The following EYS variants were observed in gnomAD, a reference collection of about 807,000 sequenced individuals.
The protein encoded by EYS is EGF-like photoreceptor maintenance factor, also known as protein eyes shut homolog.
Under a neutral mutation model 282.1 loss-of-function variants are expected in EYS, and 250 were observed. The ratio of observed to expected loss-of-function variants is 0.89; its 90% CI spans 0.80 to 0.98. EYS has a LOEUF of 0.98. Among genes scored for constraint, EYS ranks in the 50% least tolerant of loss-of-function variants. EYS has a pLI of 0.00. For missense variants in EYS, 4,016 were observed against 3,709.0 expected, an observed-to-expected ratio of 1.08 and a Z score of -2.15; for synonymous variants, 1,355 against 1,282.9, an observed-to-expected ratio of 1.06 and a Z score of -1.20.
chr6:65,516,408 G>A (rs141747264), intron 2 of EYS, among the ~76,000 whole-genome samples: 127 of 152,124 alleles, frequency 8.3e-4, no homozygotes, highest in South Asian at 1.7e-3. Flanking sequence ...CCCTACAAAT[G>A]TGAGTTTAAT....
chr6:65,655,507 T>A (rs2149821942), intron 1 of EYS, among the ~76,000 whole-genome samples: 1 of 151,936 alleles, frequency 6.6e-6, no homozygotes, highest in Middle Eastern at 3.4e-3. Flanking sequence ...CTTTACCTCT[T>A]TATTTTCCTT....
intron 5 of EYS, among the ~76,000 whole-genome samples, chr6:65,464,777 C>G (rs80055056): frequency 0.019 from 2,927 of 152,206 alleles, 69 homozygotes; most frequent in African/African-American, 0.057. Flanking sequence ...GAATCCACCA[C>G]AGTAGACTAG....
chr6:65,300,329 C>G (rs950870931), intron 11 of EYS, among the ~76,000 whole-genome samples: 11 of 152,144 alleles, frequency 7.2e-5, no homozygotes, highest in African/African-American at 2.7e-4. Context: ...TCATCTTTTC[C>G]TTACTTGACT....
At chr6:65,567,465 A>T (rs1270296806) in intron 2 of EYS, among the ~76,000 whole-genome samples, 2 of 151,716 alleles carry the variant, frequency 1.3e-5, no homozygotes, top group Non-Finnish European at 2.9e-5. Flanking sequence ...TTCTATCTAA[A>T]CTCTGTAGTC....
At chr6:65,173,885 A>G (rs1479783306) in intron 12 of EYS, among the ~76,000 whole-genome samples, 2 of 151,306 alleles carry the variant, frequency 1.3e-5, no homozygotes, top group African/African-American at 4.8e-5. Context: ...AATATGCTAC[A>G]ATTACATTGA....
chr6:64,525,268 C>T (rs1777880298), intron 26 of EYS, among the ~76,000 whole-genome samples: 1 of 151,724 alleles, frequency 6.6e-6, no homozygotes, highest in African/African-American at 2.4e-5. Flanking sequence ...GACATGAAAT[C>T]AACCTAAATG....
At chr6:64,728,008 A>G (rs1771818045) in intron 22 of EYS, among the ~76,000 whole-genome samples, 1 of 152,158 alleles carries the variant, frequency 6.6e-6, no homozygotes, top group African/African-American at 2.4e-5. Flanking sequence ...ACTGGAATGC[A>G]TGGGCACTGG....
At chr6:64,891,538 A>T (rs1767292996) in intron 18 of EYS, among the ~76,000 whole-genome samples, 1 of 152,014 alleles carries the variant, frequency 6.6e-6, no homozygotes, top group Non-Finnish European at 1.5e-5. Context: ...GTCTGAAAAG[A>T]TCCTCATCAA....
At chr6:64,668,482 G>T (rs547930516) in intron 22 of EYS, among the ~76,000 whole-genome samples, 1 of 148,500 alleles carries the variant, frequency 6.7e-6, no homozygotes, top group Non-Finnish European at 1.5e-5. Context: ...TCCTTTTTTA[G>T]TGTCTTATTT....
chr6:65,606,413 G>A (rs953273667), intron 2 of EYS, among the ~76,000 whole-genome samples: 9 of 151,562 alleles, frequency 5.9e-5, no homozygotes, highest in Admixed American at 2.6e-4. Flanking sequence ...TACCATTTTC[G>A]TAAAATGAAA....
At chr6:64,007,605 C>G (rs953405811) in intron 33 of EYS, among the ~76,000 whole-genome samples, 1 of 152,058 alleles carries the variant, frequency 6.6e-6, no homozygotes, top group Non-Finnish European at 1.5e-5. Context: ...TGAGATCTAA[C>G]TTTTTGATAT....
chr6:64,157,010 C>T (rs1483563229), intron 31 of EYS, among the ~76,000 whole-genome samples: 6 of 151,632 alleles, frequency 4.0e-5, no homozygotes, highest in African/African-American at 1.5e-4. Context: ...CGTCATCTAG[C>T]ATTAGGTATA....
chr6:65,695,573 G>A (rs7450869), intron 1 of EYS, among the ~76,000 whole-genome samples: 33,439 of 151,694 alleles, frequency 0.22, 4,424 homozygotes, highest in African/African-American at 0.38. Flanking sequence ...AAAGAGAGAG[G>A]AAGTTGGGTC....
At chr6:64,973,594 T>C (rs1770373053) in intron 14 of EYS, among the ~76,000 whole-genome samples, 1 of 151,988 alleles carries the variant, frequency 6.6e-6, no homozygotes, top group Admixed American at 6.6e-5. Context: ...ATTGGGAAAC[T>C]TTATTATTTT....
chr6:64,501,088 T>C (rs567722711), intron 26 of EYS, among the ~76,000 whole-genome samples: 1 of 150,056 alleles, frequency 6.7e-6, no homozygotes, highest in African/African-American at 2.4e-5. Context: ...AATTCTAGGG[T>C]TTTTTTTTAA....
chr6:65,143,262 AT>A (rs57320484), intron 12 of EYS, among the ~76,000 whole-genome samples: 39,848 of 148,788 alleles, frequency 0.27, 5,627 homozygotes, highest in African/African-American at 0.37. Flanking sequence ...AGACTGAAAG[AT>A]TTTTTTTTTT....
intron 1 of EYS, among the ~76,000 whole-genome samples, chr6:65,697,778 T>C (rs1562334998): frequency 6.6e-6 from 1 of 152,268 alleles, no homozygotes; most frequent in South Asian, 2.1e-4. Context: ...CATGAAATCA[T>C]CACGGCATTA....
chr6:64,975,856 C>A (rs750422352), intron 14 of EYS, among the ~76,000 whole-genome samples: 3 of 151,496 alleles, frequency 2.0e-5, no homozygotes, highest in African/African-American at 7.3e-5. Flanking sequence ...AATGAAATGC[C>A]TATTTAAATA....
intron 2 of EYS, among the ~76,000 whole-genome samples, chr6:65,501,021 TTAATA>T (rs1766431922): frequency 6.6e-6 from 1 of 151,988 alleles, no homozygotes; most frequent in African/African-American, 2.4e-5. Flanking sequence ...GGGATTAAAT[TTAATA>T]TGTCAGTATT....
Sources: allele counts gnomAD v4.1 joint callset (sites outside exome capture counted in the v4.1 genomes callset), GRCh38; gene constraint gnomAD v4.1.1; transcripts MANE v1.5; gene names NCBI Gene and HGNC (gene_info 2026-07-23, HGNC 2026-07-21).